IL1RAPL1: variants seen among roughly 807,000 people sequenced by gnomAD.
IL1RAPL1 encodes interleukin 1 receptor accessory protein like 1.
IL1RAPL1 carries 3 observed loss-of-function variants against 48.4 expected under a neutral mutation model. The observed-to-expected ratio is 0.06, with a 90% CI of 0.03 to 0.16. IL1RAPL1 has a LOEUF of 0.16. Ranked by LOEUF, IL1RAPL1 falls within the 10% of genes least tolerant of loss-of-function variation. The pLI, the probability that IL1RAPL1 is intolerant of heterozygous loss-of-function variation, is 1.00. For missense variants in IL1RAPL1, 349 were observed against 530.6 expected (o/e 0.66, Z 3.36); for synonymous variants, 185 against 187.7 (o/e 0.99, Z 0.12).
chrX:28,852,588 G>A (rs888712800), intron 2 of IL1RAPL1, among the ~76,000 whole-genome samples: 2 of 111,385 alleles, frequency 1.8e-5, no homozygotes, highest in Non-Finnish European at 3.8e-5. Flanking sequence ...TCTTGGTACT[G>A]CTTTTTCTAC....
At position 29,924,072 on chromosome X, in the gene IL1RAPL1, C is replaced by A. The variant is rs148986835; in HGVS notation, c.1057+3978C>A. Among the ~76,000 whole-genome samples the A allele has an allele frequency of 3.5e-3, 393 of 111,997 alleles. 2 individuals carry two copies. Among genetic ancestry groups the A allele is most frequent in the African/African-American group, 0.012 (374 of 30,869 alleles). On this transcript the variant is annotated intron_variant, in intron 8 of 10. Transcript: ENST00000378993. The stretch of plus-strand genomic sequence containing the variant: ...TAATCACTTTGAGCCTCAAATTTCT[C>A]TTCTATAAAATGGGAATAATAATAA...
chrX:29,837,217 C>T (rs1397184702), intron 6 of IL1RAPL1, among the ~76,000 whole-genome samples: 34 of 96,030 alleles, frequency 3.5e-4, no homozygotes, highest in African/African-American at 1.2e-3. Flanking sequence ...GAGCCGAGTT[C>T]GCGCCACTGC....
Position 28,615,871 on chromosome X carries a change from G to T in IL1RAPL1, c.-25+27824G>T, listed in dbSNP as rs186811551. Among the ~76,000 whole-genome samples, 199 of 111,879 alleles carry T rather than the reference G, an allele frequency of 1.8e-3. 1 individual carries two copies. The highest frequency in any genetic ancestry group is 7.3e-4 in the Non-Finnish European group (39 of 53,196). ...CTTAGTAATAGAAACTTGACTGGGA[G>T]ACCCAAGCGAGGCCCCTTCTACCAC... On this transcript the variant is annotated intron_variant, in intron 1 of 10. Coordinates refer to ENST00000378993, the MANE Select transcript of IL1RAPL1 (RefSeq NM_014271.4).
At chrX:28,598,953 T>C (rs778232139) in intron 1 of IL1RAPL1, among the ~76,000 whole-genome samples, 1 of 107,627 alleles carries the variant, frequency 9.3e-6, no homozygotes, top group East Asian at 3.2e-4. Flanking sequence ...TCAAAAACAT[T>C]TGAGGGCCAG....
Position 28,780,323 on chromosome X carries a change from GTGTGTGTGTA to G in IL1RAPL1, c.-24-8987_-24-8978del, listed in dbSNP as rs1181734126. 2.1e-4 allele frequency among the ~76,000 whole-genome samples: 16 copies of G among 77,525 alleles called. No individual in the cohort carries two copies. The East Asian group carries it at 2.2e-3, about 11-fold the overall frequency. 67.3% of individuals were successfully genotyped at this position (77,525 alleles called of 115,157 possible). On this transcript the variant is annotated intron_variant, in intron 1 of 10. Coordinates refer to ENST00000378993, the MANE Select transcript of IL1RAPL1 (RefSeq NM_014271.4). ...TACATTTCATTCTTTCAATCACAGT[GTGTGTGTGTA>G]TGTGTGTGTGTGTGTGTGTGTGTGT... is the stretch of plus-strand genomic sequence containing the variant.
chrX:29,827,077 G>A (rs1024340702), intron 6 of IL1RAPL1, among the ~76,000 whole-genome samples: 1 of 112,113 alleles, frequency 8.9e-6, no homozygotes, highest in African/African-American at 3.2e-5. Context: ...GCAACTCACT[G>A]TGGTTTTGAT....
chrX:29,519,836 C>A (rs1356391646), intron 5 of IL1RAPL1, among the ~76,000 whole-genome samples: 1 of 111,594 alleles, frequency 9.0e-6, no homozygotes, highest in Non-Finnish European at 1.9e-5. Flanking sequence ...TAAATGATTT[C>A]TCAGAGGTCC....
chrX:28,727,762 C>T (rs1377041260), intron 1 of IL1RAPL1, among the ~76,000 whole-genome samples: 3 of 110,657 alleles, frequency 2.7e-5, no homozygotes, highest in African/African-American at 9.9e-5. Context: ...TGAATTTTGT[C>T]AAAGGCCTTT....
intron 1 of IL1RAPL1, among the ~76,000 whole-genome samples, chrX:28,606,601 A>G (rs768861797): frequency 8.9e-6 from 1 of 112,126 alleles, no homozygotes; most frequent in South Asian, 3.7e-4. Flanking sequence ...TACCAATTAA[A>G]CTTCATATAA....
chrX:28,593,384 C>T (rs1028841671), intron 1 of IL1RAPL1, among the ~76,000 whole-genome samples: 1 of 111,558 alleles, frequency 9.0e-6, no homozygotes, highest in African/African-American at 3.3e-5. Flanking sequence ...GAAAATTTTA[C>T]TTCTGAAAAT....
At chrX:29,074,059 C>A (rs1927621017) in intron 2 of IL1RAPL1, among the ~76,000 whole-genome samples, 1 of 111,856 alleles carries the variant, frequency 8.9e-6, no homozygotes, top group Non-Finnish European at 1.9e-5. Context: ...TTATTGATTA[C>A]TAAATGCTGA....
intron 1 of IL1RAPL1, among the ~76,000 whole-genome samples, chrX:28,702,715 C>A (rs1935314982): frequency 9.0e-6 from 1 of 111,323 alleles, no homozygotes; most frequent in African/African-American, 3.3e-5. Context: ...AATATTTTCC[C>A]ACTTGTATTA....
At chrX:28,659,879 G>T (rs1934797971) in intron 1 of IL1RAPL1, among the ~76,000 whole-genome samples, 1 of 110,633 alleles carries the variant, frequency 9.0e-6, no homozygotes, top group African/African-American at 3.3e-5. Flanking sequence ...TTTGGATGAT[G>T]CCCAGGAATC....
intron 2 of IL1RAPL1, among the ~76,000 whole-genome samples, chrX:29,187,565 C>G (rs1158068190): frequency 2.7e-5 from 3 of 111,165 alleles, no homozygotes; most frequent in African/African-American, 9.8e-5. Flanking sequence ...GCATGCATGC[C>G]CATTGCTCTG....
intron 1 of IL1RAPL1, among the ~76,000 whole-genome samples, chrX:28,668,927 T>C (rs755880615): frequency 7.2e-5 from 8 of 111,879 alleles, no homozygotes; most frequent in Non-Finnish European, 1.5e-4. Flanking sequence ...TGTTTTACAT[T>C]TCAATAAAAT....
intron 5 of IL1RAPL1, among the ~76,000 whole-genome samples, chrX:29,608,389 A>G (rs1247535881): frequency 1.0e-5 from 1 of 98,686 alleles, no homozygotes; most frequent in Non-Finnish European, 1.9e-5. Flanking sequence ...AGGGGTTTCA[A>G]AAAAAAAAAG....
chrX:28,833,740 A>G (rs1321827708), intron 2 of IL1RAPL1, among the ~76,000 whole-genome samples: 2 of 112,161 alleles, frequency 1.8e-5, no homozygotes, highest in Non-Finnish European at 3.8e-5. Context: ...AACATGTAAC[A>G]TAATAAGGGA....
intron 3 of IL1RAPL1, among the ~76,000 whole-genome samples, chrX:29,329,884 C>A (rs1932870673): frequency 9.1e-6 from 1 of 109,339 alleles, no homozygotes; most frequent in African/African-American, 3.3e-5. Flanking sequence ...TTATGCTGAG[C>A]TAAAGAAGGC....
rs181082028 is a variant in IL1RAPL1, at chrX:29,845,163, G to A, written c.779-72301G>A. Among the ~76,000 whole-genome samples the A allele has an allele frequency of 4.5e-5, 5 of 112,001 alleles. No individual in the cohort carries two copies. The East Asian group carries it at 8.4e-4, about 19-fold the overall frequency. On this transcript the variant is annotated intron_variant, in intron 6 of 10. Transcript: ENST00000378993. ...AGTATGTGTAATTTGTTGCAGCAGC[G>A]CAAGGATACTAATACAGGCAATGTT...
Sources: allele counts gnomAD v4.1 joint callset (sites outside exome capture counted in the v4.1 genomes callset), GRCh38; gene constraint gnomAD v4.1.1; transcripts MANE v1.5; gene names NCBI Gene and HGNC (gene_info 2026-07-23, HGNC 2026-07-21).